KCNMB2: variants seen among roughly 807,000 people sequenced by gnomAD.
The protein encoded by KCNMB2 is potassium calcium-activated channel subfamily M regulatory beta subunit 2, also known as calcium-activated potassium channel subunit beta-2.
A neutral mutation model predicts 24.5 loss-of-function variants in KCNMB2; 9 were observed. That is an observed-to-expected ratio of 0.37 (90% confidence interval 0.22 to 0.64). The LOEUF (loss-of-function observed/expected upper bound fraction) is 0.64. KCNMB2 is among the 30% of genes least tolerant of loss of function. The pLI, the probability that KCNMB2 is intolerant of heterozygous loss-of-function variation, is 0.63. For synonymous variants in KCNMB2, 109 were observed against 104.4 expected, an observed-to-expected ratio of 1.04 and a Z score of -0.27; for missense variants, 226 against 284.3, an observed-to-expected ratio of 0.79 and a Z score of 1.47.
At chr3:178,590,304 AT>A (rs2108498568) in intron 1 of KCNMB2, among the ~76,000 whole-genome samples, 1 of 152,002 alleles carries the variant, frequency 6.6e-6, no homozygotes, top group East Asian at 1.9e-4. Flanking sequence ...TTTTTTATCC[AT>A]TTTTCTCCCC....
intron 1 of KCNMB2, among the ~76,000 whole-genome samples, chr3:178,769,805 C>T (rs113991477): frequency 3.9e-5 from 6 of 152,254 alleles, no homozygotes; most frequent in African/African-American, 1.4e-4. Flanking sequence ...TTAGCAAATA[C>T]TAAAATGTGA....
chr3:178,724,728 C>T (rs1722911539), intron 1 of KCNMB2, among the ~76,000 whole-genome samples: 1 of 152,090 alleles, frequency 6.6e-6, no homozygotes, highest in African/African-American at 2.4e-5. Flanking sequence ...ATATGGTTAG[C>T]CAGTTTTCCA....
intron 1 of KCNMB2, among the ~76,000 whole-genome samples, chr3:178,694,360 C>A (rs73046001): frequency 2.6e-5 from 4 of 152,264 alleles, no homozygotes; most frequent in Admixed American, 2.0e-4. Flanking sequence ...CCATATTATT[C>A]CCCTCCTGTC....
chr3:178,613,311 T>C (rs1718562872), intron 1 of KCNMB2, among the ~76,000 whole-genome samples: 1 of 152,196 alleles, frequency 6.6e-6, no homozygotes, highest in African/African-American at 2.4e-5. Context: ...GGCAGGAGAA[T>C]CTCTTGACCC....
chr3:178,629,440 A>C (rs1442661525), intron 1 of KCNMB2, among the ~76,000 whole-genome samples: 5 of 152,170 alleles, frequency 3.3e-5, no homozygotes, highest in Admixed American at 3.3e-4. Context: ...CGCTGGGTAA[A>C]GTTCAAGAGG....
chr3:178,540,925 G>A (rs1715596256), intron 1 of KCNMB2, among the ~76,000 whole-genome samples: 3 of 152,170 alleles, frequency 2.0e-5, no homozygotes, highest in Non-Finnish European at 4.4e-5. Flanking sequence ...TTCATAGCAC[G>A]TAGAATAGGG....
chr3:178,707,705 T>C (rs577953543), intron 1 of KCNMB2, among the ~76,000 whole-genome samples: 10 of 135,408 alleles, frequency 7.4e-5, no homozygotes, highest in Middle Eastern at 3.6e-3. Context: ...GTGAAAACTG[T>C]TAAAATCATT....
At chr3:178,607,404 T>A (rs1233200225) in intron 1 of KCNMB2, among the ~76,000 whole-genome samples, 1 of 152,158 alleles carries the variant, frequency 6.6e-6, no homozygotes, top group African/African-American at 2.4e-5. Flanking sequence ...TTTTTGTTTT[T>A]AAAATGCCTG....
At chr3:178,574,371 T>C (rs563800663) in intron 1 of KCNMB2, among the ~76,000 whole-genome samples, 1 of 152,358 alleles carries the variant, frequency 6.6e-6, no homozygotes, top group South Asian at 2.1e-4. Flanking sequence ...TGAGCCTTAT[T>C]CCTTCCGGAC....
At chr3:178,719,890 T>G (rs948288918) in intron 1 of KCNMB2, among the ~76,000 whole-genome samples, 21 of 152,198 alleles carry the variant, frequency 1.4e-4, no homozygotes, top group African/African-American at 4.1e-4. Context: ...GTTTGCCCAG[T>G]ACCTAGCCCC....
chr3:178,625,036 CA>C (rs1424929433), intron 1 of KCNMB2, among the ~76,000 whole-genome samples: 6 of 152,070 alleles, frequency 3.9e-5, no homozygotes, highest in Non-Finnish European at 5.9e-5. Flanking sequence ...AAGGAGGGCA[CA>C]GGGGTGGCTC....
At chr3:178,642,830 A>G (rs933581690) in intron 1 of KCNMB2, among the ~76,000 whole-genome samples, 13 of 152,196 alleles carry the variant, frequency 8.5e-5, no homozygotes, top group African/African-American at 2.9e-4. Context: ...TCATCATTCA[A>G]ATGAGGTGAC....
intron 1 of KCNMB2, among the ~76,000 whole-genome samples, chr3:178,538,017 C>T (rs1428964436): frequency 2.0e-5 from 3 of 152,194 alleles, no homozygotes; most frequent in African/African-American, 7.2e-5. Context: ...TTGTTTTCAG[C>T]TAAATACTGC....
intron 4 of KCNMB2, among the ~76,000 whole-genome samples, chr3:178,833,991 T>G (rs907099889): frequency 3.9e-5 from 6 of 152,168 alleles, no homozygotes; most frequent in African/African-American, 1.4e-4. Flanking sequence ...TTGTTGCTTG[T>G]GAATACCTCA....
intron 1 of KCNMB2, among the ~76,000 whole-genome samples, chr3:178,674,580 T>C (rs148944025): frequency 6.6e-6 from 1 of 152,056 alleles, no homozygotes; most frequent in South Asian, 2.1e-4. Flanking sequence ...CCAAGCTACC[T>C]TTATCTCTCA....
chr3:178,723,570 T>C (rs937604998), intron 1 of KCNMB2, among the ~76,000 whole-genome samples: 1 of 152,162 alleles, frequency 6.6e-6, no homozygotes, highest in Admixed American at 6.6e-5. Context: ...AGTTGGGGAT[T>C]CTAAGGATCC....
At chr3:178,657,860 A>G (rs1278311508) in intron 1 of KCNMB2, among the ~76,000 whole-genome samples, 1 of 152,176 alleles carries the variant, frequency 6.6e-6, no homozygotes, top group African/African-American at 2.4e-5. Flanking sequence ...ATAATAACCC[A>G]CTTTCATGGT....
intron 1 of KCNMB2, among the ~76,000 whole-genome samples, chr3:178,614,287 A>ATATATATATATATG (rs1718616528): frequency 1.3e-5 from 1 of 74,510 alleles, no homozygotes; most frequent in African/African-American, 4.5e-5. Flanking sequence ...ATATATATAT[A>ATATATATATATATG]TATATATATG....
intron 1 of KCNMB2, among the ~76,000 whole-genome samples, chr3:178,758,586 C>A (rs1307775765): frequency 2.1e-3 from 29 of 13,558 alleles, no homozygotes; most frequent in Non-Finnish European, 2.7e-3. Flanking sequence ...ATATATATAT[C>A]CAAGAGGAGA....
Sources: gnomAD v4.1 joint callset for allele counts (sites outside exome capture counted in the v4.1 genomes callset) on GRCh38, gnomAD v4.1.1 for gene constraint, MANE v1.5 for transcripts, NCBI Gene and HGNC (gene_info 2026-07-23, HGNC 2026-07-21) for gene names.